FAM185A: variants seen among roughly 807,000 people sequenced by gnomAD.
FAM185A encodes protein FAM185A.
Under a neutral mutation model 45.7 loss-of-function variants are expected in FAM185A, and 21 were observed. The ratio of observed to expected loss-of-function variants is 0.46; its 90% CI spans 0.33 to 0.66. The LOEUF (loss-of-function observed/expected upper bound fraction) is 0.66. Ranked by LOEUF, FAM185A falls within the 30% of genes least tolerant of loss-of-function variation. The pLI is 0.03. For missense variants in FAM185A, 305 were observed against 485.4 expected (o/e 0.63, Z 3.49); for synonymous variants, 117 against 194.0 (o/e 0.60, Z 3.30).
the FAM185A span, chr7:102,822,334 A>C: frequency 2.3e-6 from 2 of 874,372 alleles, no homozygotes; most frequent in East Asian, 2.6e-5. Context: ...TTTATTTCTC[A>C]CAGTTCTAGA....
At chr7:102,783,090 G>C (rs1171809452) in intron 6 of FAM185A, among the ~76,000 whole-genome samples, 9 of 151,974 alleles carry the variant, frequency 5.9e-5, no homozygotes, top group Admixed American at 5.2e-4. Flanking sequence ...AATTCAACAA[G>C]AAGAGATAAC....
chr7:102,849,824 G>A, the FAM185A span, among the ~76,000 whole-genome samples: 1 of 151,934 alleles, frequency 6.6e-6, no homozygotes, highest in Non-Finnish European at 1.5e-5. Context: ...AGACACACAC[G>A]TACCAAAAGC....
chr7:102,749,633 G>A lies in FAM185A; in HGVS notation c.426G>A (p.Val142=). 6 of 1,486,550 alleles carry A rather than the reference G, an allele frequency of 4.0e-6. No individual in the cohort carries two copies. The African/African-American group carries it at 8.4e-5, about 21-fold the overall frequency. 92.1% of individuals were successfully genotyped at this position (1,486,550 alleles called of 1,614,324 possible). A position where few individuals can be genotyped will look rare whatever the true frequency, so the allele number is the denominator to read the frequency against. Reference sequence around the variant, plus strand: ...ATACTATCCACCCCCAGGCGTCCGTGGAGGTGAACGCGCCCCTGAAGTTTG... The same window carrying A: ...ATACTATCCACCCCCAGGCGTCCGTAGAGGTGAACGCGCCCCTGAAGTTTG... ...VSDTIHPQAS[V]EVNAPLKFGL... Residue 142 remains valine, a synonymous_variant, in exon 1 of 8, where the codon GTG becomes GTA. Transcript: ENST00000413034.
chr7:102,808,550 T>C lies in FAM185A; in HGVS notation c.*148T>C. 3.3e-6 allele frequency: 2 copies of C among 614,228 alleles called. No individual in the cohort carries two copies. The highest frequency in any genetic ancestry group is 5.7e-6 in the Non-Finnish European group (2 of 348,190). 38.0% of individuals were successfully genotyped at this position (614,228 alleles called of 1,614,324 possible). ...CTGTTTTGGGAGGCTTTTTCAAAAT[T>C]TGTGCTTTGCTATTGTATTCATTTT... On this transcript the variant is annotated 3_prime_UTR_variant, in exon 8 of 8. Transcript: ENST00000413034.
At chr7:102,813,043 A>C (rs368876087), downstream of FAM185A, among the ~76,000 whole-genome samples, 1 of 152,040 alleles carries the variant, frequency 6.6e-6, no homozygotes, top group East Asian at 1.9e-4. Flanking sequence ...GGGTTTCACC[A>C]TGTTGGCCAG....
intron 7 of FAM185A, among the ~76,000 whole-genome samples, chr7:102,793,715 A>C (rs1349163117): frequency 2.6e-5 from 4 of 151,606 alleles, no homozygotes; most frequent in Non-Finnish European, 5.9e-5. Context: ...TGTTGCATAT[A>C]TTTTTTTGTT....
At chr7:102,834,081 G>GAAGGAAGGA in the FAM185A span, among the ~76,000 whole-genome samples, 5 of 84,986 alleles carry the variant, frequency 5.9e-5, no homozygotes, top group Admixed American at 2.6e-4. Flanking sequence ...AGGAAGGAAG[G>GAAGGAAGGA]AAAGAAAAGA....
At chr7:102,779,909 C>T (rs1795301836) in intron 6 of FAM185A, 1 of 134,020 alleles carries the variant, frequency 7.5e-6, no homozygotes, top group Admixed American at 7.9e-5. Flanking sequence ...CAGGGTTTCA[C>T]CATGTTGTCC....
In FAM185A at chr7:102,809,091, A is replaced by G. The variant is rs1797289475; in HGVS notation, c.*689A>G. 6.6e-6 allele frequency: 1 copy of G among 152,270 alleles called. No homozygotes were observed. The highest frequency in any genetic ancestry group is 1.5e-5 in the Non-Finnish European group (1 of 68,066). 9.4% of individuals were successfully genotyped at this position (152,270 alleles called of 1,614,324 possible). ...CACTCAAGGAAAGGAGATTATACAA[A>G]GGCATCCATCATGTGGGGACAATTA... On this transcript the variant is annotated 3_prime_UTR_variant, in exon 8 of 8. Transcript: ENST00000413034.
chr7:102,842,807 A>T, the FAM185A span, among the ~76,000 whole-genome samples: 2 of 152,206 alleles, frequency 1.3e-5, no homozygotes, highest in African/African-American at 4.8e-5. Context: ...TAGCACAGAT[A>T]GTCCAGAGTA....
At chr7:102,807,647 C>T (rs1797199309) in intron 7 of FAM185A, among the ~76,000 whole-genome samples, 1 of 152,002 alleles carries the variant, frequency 6.6e-6, no homozygotes, top group South Asian at 2.1e-4. Flanking sequence ...GGCTTGGTGG[C>T]TCATGCCTGT....
chr7:102,752,273 A>ATTT (rs202099768), intron 2 of FAM185A, among the ~76,000 whole-genome samples: 4 of 140,970 alleles, frequency 2.8e-5, no homozygotes, highest in Non-Finnish European at 3.1e-5. Flanking sequence ...TGTAATTAAA[A>ATTT]TTTTTTTTTT....
chr7:102,807,750 TAAA>T (rs57307357), intron 7 of FAM185A, among the ~76,000 whole-genome samples: 9,179 of 135,576 alleles, frequency 0.068, 322 homozygotes, highest in South Asian at 0.13. Context: ...CGTCTCCACT[TAAA>T]AAAAAAAAAA....
At chr7:102,763,866 G>T (rs572402159) in intron 4 of FAM185A, among the ~76,000 whole-genome samples, 1 of 152,368 alleles carries the variant, frequency 6.6e-6, no homozygotes, top group South Asian at 2.1e-4. Context: ...GGCACCAAGG[G>T]TGCAAAGTTG....
At chr7:102,834,904 G>A in the FAM185A span, among the ~76,000 whole-genome samples, 1 of 150,812 alleles carries the variant, frequency 6.6e-6, no homozygotes, top group East Asian at 1.9e-4. Flanking sequence ...GTGTGTGTGT[G>A]TGTGTGTGTG....
chr7:102,794,207 T>C (rs934386237), intron 7 of FAM185A, among the ~76,000 whole-genome samples: 3 of 152,138 alleles, frequency 2.0e-5, no homozygotes, highest in Non-Finnish European at 2.9e-5. Context: ...GTGATGCCTG[T>C]GGGGTTTTGT....
the FAM185A span, among the ~76,000 whole-genome samples, chr7:102,847,493 A>G: frequency 2.0e-5 from 3 of 152,182 alleles, no homozygotes; most frequent in Non-Finnish European, 4.4e-5. Context: ...AAACATAGAC[A>G]AAAAGGTAAT....
intron 3 of FAM185A, among the ~76,000 whole-genome samples, chr7:102,759,199 G>A (rs1793959901): frequency 1.3e-5 from 2 of 151,968 alleles, no homozygotes; most frequent in Non-Finnish European, 2.9e-5. Flanking sequence ...GATGGCTAAT[G>A]TTATTGAAAT....
In FAM185A at chr7:102,749,505, C is replaced by G. The variant is rs1429738763; in HGVS notation, c.298C>G (p.Arg100Gly). 30 of 1,526,072 alleles carry G rather than the reference C, an allele frequency of 2.0e-5. No individual in the cohort carries two copies. Among genetic ancestry groups the G allele is most frequent in the Middle Eastern group, 4.7e-4 (2 of 4,300 alleles). 94.5% of individuals were successfully genotyped at this position (1,526,072 alleles called of 1,614,324 possible). Residue 100 changes from arginine (R) to glycine (G), a missense_variant, in exon 1 of 8, where the codon CGC becomes GGC. Transcript: ENST00000413034. Reference sequence around the variant, plus strand: ...CCCCCTCACCTACCCGGATGGCGACCGCGTGCTGGTCGCGGTGTGCGGCGT... The same window carrying G: ...CCCCCTCACCTACCCGGATGGCGACGGCGTGCTGGTCGCGGTGTGCGGCGT... ...LDPLTYPDGD[R>G]VLVAVCGVEG...
Sources: allele counts gnomAD v4.1 joint callset (sites outside exome capture counted in the v4.1 genomes callset), GRCh38; gene constraint gnomAD v4.1.1; transcripts MANE v1.5; gene names NCBI Gene and HGNC (gene_info 2026-07-23, HGNC 2026-07-21).